The following EEFSEC variants were observed in gnomAD, a reference collection of about 807,000 sequenced individuals.
EEFSEC encodes the protein selenocysteine-specific elongation factor.
A neutral mutation model predicts 42.1 loss-of-function variants in EEFSEC; 43 were observed. The observed-to-expected ratio is 1.02, with a 90% CI of 0.80 to 1.32. The LOEUF is 1.32. Ranked by LOEUF, EEFSEC falls within the 40% of genes most tolerant of loss-of-function variation. The pLI is 0.00. For missense variants in EEFSEC, 745 were observed against 803.6 expected (o/e 0.93, Z 0.88); for synonymous variants, 354 against 339.1 (o/e 1.04, Z -0.48).
chr3:128,262,033 A>G, intron 2 of EEFSEC, 95 bp from the exon 3 acceptor site: 1 of 1,110,116 alleles, frequency 9.0e-7, no homozygotes, highest in Non-Finnish European at 1.4e-6. Flanking sequence ...GAGGATGCTC[A>G]CTGCACTTGG....
intron 1 of EEFSEC, among the ~76,000 whole-genome samples, chr3:128,214,051 G>A (rs973928700): frequency 6.6e-6 from 1 of 152,202 alleles, no homozygotes; most frequent in Admixed American, 6.5e-5. Flanking sequence ...ATAGGCAATA[G>A]ATTAAGTAAT....
chr3:128,318,520 A>G (rs973948946), intron 4 of EEFSEC, among the ~76,000 whole-genome samples: 2 of 152,206 alleles, frequency 1.3e-5, no homozygotes, highest in African/African-American at 4.8e-5. Flanking sequence ...CAGAAGGTAC[A>G]GGACCCTTGG....
At position 128,246,982 on chromosome 3, in the gene EEFSEC, A is replaced by G; in HGVS notation, c.463A>G (p.Lys155Glu). The G allele has an allele frequency of 6.2e-7, 1 of 1,614,192 alleles. No individual in the cohort carries two copies. Among genetic ancestry groups the G allele is most frequent in the Non-Finnish European group, 8.5e-7 (1 of 1,180,036 alleles). ...CAAAATAGACCTCTTACCTGAAGGA[A>G]AGAGACAGGCAGCAATTGATAAAAT... Reference protein sequence around the residue: ...LNKIDLLPEGKRQAAIDKMTK... With the variant: ...LNKIDLLPEGERQAAIDKMTK... Residue 155 changes from lysine to glutamate, a missense_variant, in exon 2 of 7, where the codon AAG (lysine) becomes GAG (glutamate). By Grantham distance (56) the Lys-to-Glu change is moderately conservative (BLOSUM62 1). Transcript: ENST00000254730.
At chr3:128,205,235 C>T (rs1325836816) in intron 1 of EEFSEC, among the ~76,000 whole-genome samples, 1 of 152,232 alleles carries the variant, frequency 6.6e-6, no homozygotes, top group Non-Finnish European at 1.5e-5. Context: ...TATTGGACCC[C>T]TCCTCTGGGC....
intron 6 of EEFSEC, among the ~76,000 whole-genome samples, chr3:128,370,733 C>A (rs147282446): frequency 6.6e-6 from 1 of 152,336 alleles, no homozygotes; most frequent in East Asian, 1.9e-4. Flanking sequence ...GGCTCTAGGC[C>A]CATCCCAGGG....
intron 1 of EEFSEC, among the ~76,000 whole-genome samples, chr3:128,189,558 CTTTTT>C (rs3037702): frequency 7.3e-6 from 1 of 137,144 alleles, no homozygotes; most frequent in Non-Finnish European, 1.6e-5. Context: ...GACTTCTTTT[CTTTTT>C]TTTTTTTTTT....
chr3:128,200,735 C>T (rs758017176), intron 1 of EEFSEC, among the ~76,000 whole-genome samples: 5 of 152,186 alleles, frequency 3.3e-5, no homozygotes, highest in South Asian at 2.1e-4. Context: ...GCAGGTTTCC[C>T]GCAGAACAAT....
chr3:128,153,676 T>C lies in EEFSEC; in HGVS notation c.169T>C (p.Ser57Pro). The C allele has an allele frequency of 6.3e-7, 1 of 1,595,372 alleles. No individual in the cohort carries two copies. The change falls in exon 1 of 7, where the codon TCG becomes CCG. Residue 57 changes from serine to proline, a missense_variant. By Grantham distance (74) the Ser-to-Pro change is moderately conservative (BLOSUM62 -1). Transcript: ENST00000254730. Reference sequence around the variant, plus strand: ...GCTCGATCTGGGCTTCTCGTGCTTCTCGGTGCCGCTGCCCGCGCGCCTGCG... The same window carrying C: ...GCTCGATCTGGGCTTCTCGTGCTTCCCGGTGCCGCTGCCCGCGCGCCTGCG... ...ITLDLGFSCFSVPLPARLRSS... is the reference protein window; with the variant it reads ...ITLDLGFSCFPVPLPARLRSS...
At chr3:128,405,794 C>A (rs1301921210) in intron 6 of EEFSEC, among the ~76,000 whole-genome samples, 5 of 152,252 alleles carry the variant, frequency 3.3e-5, no homozygotes, top group African/African-American at 1.2e-4. Flanking sequence ...AAGCTGGGCC[C>A]TCTGCCTGTG....
intron 6 of EEFSEC, among the ~76,000 whole-genome samples, chr3:128,407,152 G>T (rs2068124881): frequency 1.3e-5 from 2 of 152,102 alleles, no homozygotes; most frequent in Admixed American, 1.3e-4. Flanking sequence ...GTTGGAGTGG[G>T]TGCGTGTCGG....
intron 4 of EEFSEC, among the ~76,000 whole-genome samples, chr3:128,276,542 A>G (rs1386896235): frequency 6.6e-6 from 1 of 152,218 alleles, no homozygotes; most frequent in East Asian, 1.9e-4. Flanking sequence ...CCTGCTTTGT[A>G]GAGTTACTGT....
intron 4 of EEFSEC, among the ~76,000 whole-genome samples, chr3:128,311,105 T>C (rs1263662820): frequency 2.0e-5 from 3 of 152,244 alleles, no homozygotes; most frequent in Non-Finnish European, 4.4e-5. Context: ...ATTTTTAAAA[T>C]TAAAATTCAG....
Position 128,341,252 on chromosome 3 carries a change from C to A in EEFSEC, c.806C>A (p.Ser269Tyr), listed in dbSNP as rs1368672692. ...PALKVVKKVKSMQMFHMPITS... is the reference protein window; with the variant it reads ...PALKVVKKVKYMQMFHMPITS... ...CATCAGGTGGTGAAGAAGGTGAAGT[C>A]CATGCAGATGTTCCACATGCCCATC... Residue 269 changes from serine (S) to tyrosine (Y), a missense_variant, in exon 5 of 7, where the codon TCC becomes TAC. Transcript: ENST00000254730. 1.2e-6 allele frequency: 2 copies of A among 1,610,492 alleles called. No individual in the cohort carries two copies. Among genetic ancestry groups the A allele is most frequent in the Admixed American group, 3.3e-5 (2 of 59,828 alleles).
intron 2 of EEFSEC, among the ~76,000 whole-genome samples, chr3:128,248,568 G>A (rs940469977): frequency 7.2e-5 from 11 of 152,198 alleles, no homozygotes; most frequent in Non-Finnish European, 1.2e-4. Context: ...GTGGATATGA[G>A]ACTGTAAAAA....
chr3:128,338,541 G>A (rs2067215921), intron 4 of EEFSEC, among the ~76,000 whole-genome samples: 1 of 152,198 alleles, frequency 6.6e-6, no homozygotes, highest in African/African-American at 2.4e-5. Flanking sequence ...GGGAGCAGGG[G>A]TTAGGGACGA....
At chr3:128,216,008 A>G (rs570253817) in intron 1 of EEFSEC, among the ~76,000 whole-genome samples, 66 of 152,268 alleles carry the variant, frequency 4.3e-4, no homozygotes, top group African/African-American at 1.4e-3. Context: ...CTAAAGGGAA[A>G]GAGACCCTGT....
At chr3:128,268,906 T>C (rs2066384297) in intron 4 of EEFSEC, among the ~76,000 whole-genome samples, 1 of 152,222 alleles carries the variant, frequency 6.6e-6, no homozygotes, top group Non-Finnish European at 1.5e-5. Context: ...TAATTTGTTA[T>C]GGCAGCCCTA....
At chr3:128,165,133 T>C (rs1036271575) in intron 1 of EEFSEC, among the ~76,000 whole-genome samples, 3 of 152,210 alleles carry the variant, frequency 2.0e-5, no homozygotes, top group Admixed American at 6.5e-5. Context: ...TGGCTCTTGC[T>C]GCATCCTCCC....
intron 6 of EEFSEC, among the ~76,000 whole-genome samples, chr3:128,393,689 A>ACG (rs2067944114): frequency 6.6e-6 from 1 of 152,240 alleles, no homozygotes; most frequent in South Asian, 2.1e-4. Context: ...GTGCCACTAG[A>ACG]CAAGGCCCTC....
Sources: gnomAD v4.1 joint callset for allele counts (sites outside exome capture counted in the v4.1 genomes callset) on GRCh38, gnomAD v4.1.1 for gene constraint, MANE v1.5 for transcripts, NCBI Gene and HGNC (gene_info 2026-07-23, HGNC 2026-07-21) for gene names.